ACSM3: variants seen among roughly 807,000 people sequenced by gnomAD.
The protein encoded by ACSM3 is acyl-coenzyme A synthetase ACSM3, mitochondrial.
In ACSM3, 61 loss-of-function variants were observed where a neutral mutation model predicts 74.1. The observed-to-expected ratio is 0.82, with a 90% CI of 0.67 to 1.02. The LOEUF (loss-of-function observed/expected upper bound fraction) is 1.02, where lower values mean the gene tolerates loss of function less well. Ranked by LOEUF, ACSM3 falls within the 50% of genes least tolerant of loss-of-function variation. ACSM3 has a pLI of 0.00. For missense variants in ACSM3, 660 were observed against 697.0 expected, an observed-to-expected ratio of 0.95 and a Z score of 0.60; for synonymous variants, 213 against 241.5, an observed-to-expected ratio of 0.88 and a Z score of 1.09.
At chr16:20,720,626 C>T (rs1187008733) in intron 1 of ACSM3, among the ~76,000 whole-genome samples, 1 of 152,184 alleles carries the variant, frequency 6.6e-6, no homozygotes, top group East Asian at 1.9e-4. Context: ...AGGGCCTTAA[C>T]ATAAATGTAG....
chr16:20,704,412 T>G (rs1003354683), intron 1 of ACSM3, among the ~76,000 whole-genome samples: 2 of 152,224 alleles, frequency 1.3e-5, no homozygotes, highest in African/African-American at 4.8e-5. Flanking sequence ...TCTAAATTCT[T>G]AGCTTAGTCA....
At chr16:20,772,932 A>T (rs1424832654) in intron 2 of ACSM3, among the ~76,000 whole-genome samples, 2 of 150,398 alleles carry the variant, frequency 1.3e-5, no homozygotes, top group Admixed American at 6.7e-5. Flanking sequence ...ACACCATTGC[A>T]CTCCAGCCTA....
intron 1 of ACSM3, among the ~76,000 whole-genome samples, chr16:20,695,389 G>A (rs1027740804): frequency 6.6e-6 from 1 of 152,194 alleles, no homozygotes; most frequent in Admixed American, 6.5e-5. Context: ...AAGAGCTGTT[G>A]CTAGTTAACA....
intron 1 of ACSM3, among the ~76,000 whole-genome samples, chr16:20,741,251 A>T (rs1289415399): frequency 6.6e-6 from 1 of 152,190 alleles, no homozygotes; most frequent in Non-Finnish European, 1.5e-5. Flanking sequence ...TCTCACAAAA[A>T]TAAAAATAAA....
At chr16:20,690,932 A>C in intron 1 of ACSM3, 1 of 1,504,318 alleles carries the variant, frequency 6.6e-7, no homozygotes, top group Non-Finnish European at 9.0e-7. Context: ...TCAGCCTAGT[A>C]GGAGCAAGAT....
chr16:20,718,281 G>A (rs2079772811), intron 1 of ACSM3: 1 of 380,466 alleles, frequency 2.6e-6, no homozygotes, highest in Non-Finnish European at 4.3e-6. Context: ...AAGTAGCTGA[G>A]CAGAAGAAAT....
At chr16:20,690,381 C>T (rs1003598459) in intron 1 of ACSM3, among the ~76,000 whole-genome samples, 2 of 152,192 alleles carry the variant, frequency 1.3e-5, no homozygotes, top group Admixed American at 6.5e-5. Flanking sequence ...ACAAACCAAG[C>T]ACTTGGGGTT....
At chr16:20,739,410 A>T (rs1010928671) in intron 1 of ACSM3, among the ~76,000 whole-genome samples, 1 of 151,972 alleles carries the variant, frequency 6.6e-6, no homozygotes, top group Non-Finnish European at 1.5e-5. Context: ...TCCTCAGGTG[A>T]TCCACTCGCC....
intron 1 of ACSM3, among the ~76,000 whole-genome samples, chr16:20,691,528 T>C (rs2079652092): frequency 6.6e-6 from 1 of 152,138 alleles, no homozygotes; most frequent in Non-Finnish European, 1.5e-5. Context: ...CATATGGTCA[T>C]CCCTTTTGTG....
At chr16:20,674,975 C>A (rs1051481341) in intron 1 of ACSM3, among the ~76,000 whole-genome samples, 2 of 152,148 alleles carry the variant, frequency 1.3e-5, no homozygotes, top group African/African-American at 4.8e-5. Flanking sequence ...GTCCCCCTAA[C>A]AAAGTGAAAG....
chr16:20,740,393 C>T (rs2079906526), intron 1 of ACSM3, among the ~76,000 whole-genome samples: 1 of 152,116 alleles, frequency 6.6e-6, no homozygotes, highest in Non-Finnish European at 1.5e-5. Flanking sequence ...AGAGCAAGAC[C>T]GCTTCCAAAA....
intron 1 of ACSM3, among the ~76,000 whole-genome samples, chr16:20,686,978 AT>A (rs34041438): frequency 0.023 from 3,078 of 135,944 alleles, 104 homozygotes; most frequent in Admixed American, 0.075. Flanking sequence ...AAATTTTGTG[AT>A]TTTTTTTTTT....
intron 2 of ACSM3, among the ~76,000 whole-genome samples, chr16:20,774,050 G>A (rs375202658): frequency 1.3e-5 from 2 of 151,960 alleles, no homozygotes; most frequent in African/African-American, 2.4e-5. Context: ...TGTTGGGTGC[G>A]TATATATTTA....
chr16:20,723,712 C>A (rs899483526), intron 1 of ACSM3, among the ~76,000 whole-genome samples: 5 of 152,162 alleles, frequency 3.3e-5, no homozygotes, highest in African/African-American at 1.2e-4. Context: ...ATATCCTTCA[C>A]CTGCTTTTTG....
intron 10 of ACSM3, among the ~76,000 whole-genome samples, chr16:20,791,229 CTTG>C (rs1476845475): frequency 6.6e-6 from 1 of 152,162 alleles, no homozygotes; most frequent in African/African-American, 2.4e-5. Context: ...GTAACAGTAT[CTTG>C]TTTTTTCTTA....
intron 1 of ACSM3, among the ~76,000 whole-genome samples, chr16:20,683,223 T>C (rs2079481998): frequency 6.6e-6 from 1 of 152,064 alleles, no homozygotes; most frequent in Admixed American, 6.6e-5. Flanking sequence ...GTTCAAGCAA[T>C]TGTCCTGTCT....
intron 1 of ACSM3, among the ~76,000 whole-genome samples, chr16:20,727,948 G>A (rs1457142583): frequency 6.6e-6 from 1 of 152,162 alleles, no homozygotes; most frequent in Non-Finnish European, 1.5e-5. Context: ...CTGGGATGAG[G>A]CCCATAAATC....
intron 1 of ACSM3, chr16:20,741,933 A>AGCCCCGCCTCCT (rs755331734): frequency 4.6e-6 from 7 of 1,533,300 alleles, no homozygotes; most frequent in East Asian, 2.4e-5. Flanking sequence ...TACCCGCCCA[A>AGCCCCGCCTCCT]GCCCCGCCTC....
intron 9 of ACSM3, among the ~76,000 whole-genome samples, chr16:20,787,746 C>A (rs541191753): frequency 9.8e-5 from 15 of 152,320 alleles, no homozygotes; most frequent in African/African-American, 3.6e-4. Context: ...TCAACTATAT[C>A]TCTGCTATTC....
Sources: gnomAD v4.1 joint callset for allele counts (sites outside exome capture counted in the v4.1 genomes callset) on GRCh38, gnomAD v4.1.1 for gene constraint, MANE v1.5 for transcripts, NCBI Gene and HGNC (gene_info 2026-07-23, HGNC 2026-07-21) for gene names.